RORA: variants seen among roughly 807,000 people sequenced by gnomAD.
RORA encodes nuclear receptor ROR-alpha.
Under a neutral mutation model 69.5 loss-of-function variants are expected in RORA, and 7 were observed. The observed-to-expected ratio is 0.10, with a 90% CI of 0.06 to 0.19. The LOEUF (loss-of-function observed/expected upper bound fraction) is 0.19, where lower values mean the gene tolerates loss of function less well. Ranked by LOEUF, RORA falls within the 10% of genes least tolerant of loss-of-function variation. The pLI, the probability that RORA is intolerant of heterozygous loss-of-function variation, is 1.00. For synonymous variants in RORA, 261 were observed against 240.8 expected (o/e 1.08, Z -0.78); for missense variants, 457 against 663.0 (o/e 0.69, Z 3.41).
At chr15:60,632,411 T>C (rs2069759412) in intron 2 of RORA, among the ~76,000 whole-genome samples, 1 of 152,176 alleles carries the variant, frequency 6.6e-6, no homozygotes, top group Non-Finnish European at 1.5e-5. Context: ...CCGGCCTCAC[T>C]ACCTATGTAT....
At chr15:61,206,390 A>C (rs1460223716) in intron 1 of RORA, among the ~76,000 whole-genome samples, 1 of 152,176 alleles carries the variant, frequency 6.6e-6, no homozygotes, top group African/African-American at 2.4e-5. Context: ...TACTTATAAA[A>C]CAATAGCTGA....
intron 2 of RORA, among the ~76,000 whole-genome samples, chr15:60,644,040 G>C (rs1026483837): frequency 6.6e-6 from 1 of 151,846 alleles, no homozygotes; most frequent in African/African-American, 2.4e-5. Flanking sequence ...GGAAGCCACT[G>C]GGATTAAAAA....
rs2070591175 is a variant in RORA, at chr15:60,678,665, G to A, written c.188C>T (p.Thr63Ile). 1.2e-6 allele frequency: 2 copies of A among 1,611,876 alleles called. No individual in the cohort carries two copies. The highest frequency in any genetic ancestry group is 1.1e-5 in the South Asian group (1 of 91,028). Residue 63 changes from threonine to isoleucine, a missense_variant, in exon 2 of 11, where the codon ACA (threonine) becomes ATA (isoleucine). Physicochemically the swap from Thr to Ile is moderately conservative, Grantham distance 89. This residue lies in a region of RORA where 119 missense variants were observed against 92.4 expected (regional missense o/e 1.29). Transcript: ENST00000335670. ...AAAAATGCATTACTTACATGTATGTGTCTTCTTCGTTACTGAGATACCTGG... is the reference window on the plus strand; with the variant it reads ...AAAAATGCATTACTTACATGTATGTATCTTCTTCGTTACTGAGATACCTGG... ...TSRGISVTKKTHTSQIEIIPC... is the reference protein window; with the variant it reads ...TSRGISVTKKIHTSQIEIIPC...
intron 3 of RORA, 114 bp from the exon 4 acceptor site, chr15:60,514,871 G>A: frequency 1.3e-6 from 1 of 744,544 alleles, no homozygotes. Flanking sequence ...AATTAAACTT[G>A]TAGCAGAATC....
intron 1 of RORA, among the ~76,000 whole-genome samples, chr15:61,119,730 A>C (rs1247004634): frequency 6.6e-6 from 1 of 152,168 alleles, no homozygotes; most frequent in African/African-American, 2.4e-5. Flanking sequence ...CTTGTGGATG[A>C]GGCAAATGGC....
At chr15:60,594,771 T>C (rs1001330673) in intron 2 of RORA, among the ~76,000 whole-genome samples, 1 of 152,260 alleles carries the variant, frequency 6.6e-6, no homozygotes, top group Non-Finnish European at 1.5e-5. Flanking sequence ...TCTCAAGTAC[T>C]TATCTGAAAT....
intron 1 of RORA, among the ~76,000 whole-genome samples, chr15:60,704,086 A>G (rs1596140398): frequency 6.6e-6 from 1 of 152,244 alleles, no homozygotes; most frequent in Non-Finnish European, 1.5e-5. Flanking sequence ...CATCAATTCT[A>G]ATACAACGTG....
intron 2 of RORA, among the ~76,000 whole-genome samples, chr15:60,581,559 T>A (rs1315757782): frequency 6.6e-6 from 1 of 152,208 alleles, no homozygotes; most frequent in African/African-American, 2.4e-5. Flanking sequence ...ATAGGCGGTA[T>A]GCAAATCTTT....
chr15:60,511,310 C>T lies in RORA; in HGVS notation c.736G>A (p.Asp246Asn), dbSNP rs1289766353. The T allele has an allele frequency of 6.2e-7, 1 of 1,614,094 alleles. No individual in the cohort carries two copies. Among genetic ancestry groups the T allele is most frequent in the Admixed American group, 1.7e-5 (1 of 60,018 alleles). ...AAGAAGCCTGATGCTGGTGTGTAGT[C>T]ACATATTGGTTCTGGTTTGATTCCA... is the stretch of plus-strand genomic sequence containing the variant. ...INGIKPEPIC[D>N]YTPASGFFPY... Residue 246 changes from aspartate (D) to asparagine (N), a missense_variant, in exon 5 of 11, where the codon GAC (aspartate) becomes AAC (asparagine). Around this residue, in one of 3 missense-constraint regions of RORA, gnomAD observed 304 missense variants for 447.4 expected, o/e 0.68. Coordinates refer to ENST00000335670, the MANE Select transcript of RORA (RefSeq NM_134261.3). The surrounding 1 kb of genome is among the most constrained non-coding windows in gnomAD (Gnocchi z 6.4).
At chr15:61,010,091 TTACCACA>T (rs1895041213) in intron 1 of RORA, among the ~76,000 whole-genome samples, 1 of 152,242 alleles carries the variant, frequency 6.6e-6, no homozygotes, top group Non-Finnish European at 1.5e-5. Context: ...AGGAACAAGC[TTACCACA>T]TATGCTTTGG....
chr15:60,772,961 G>C (rs918448003), intron 1 of RORA, among the ~76,000 whole-genome samples: 2 of 152,220 alleles, frequency 1.3e-5, no homozygotes, highest in African/African-American at 4.8e-5. Context: ...AATCCCGCCA[G>C]GGAGTTTTCC....
intron 1 of RORA, among the ~76,000 whole-genome samples, chr15:61,118,898 T>C (rs1247232103): frequency 6.6e-6 from 1 of 152,090 alleles, no homozygotes; most frequent in Non-Finnish European, 1.5e-5. Context: ...GTTCCTCTTG[T>C]CATGTGAAAC....
intron 1 of RORA, among the ~76,000 whole-genome samples, chr15:60,865,930 G>A (rs2073482340): frequency 6.6e-6 from 1 of 152,012 alleles, no homozygotes; most frequent in Non-Finnish European, 1.5e-5. Flanking sequence ...AAATTTTTTG[G>A]CCTAGACAAC....
chr15:60,836,753 C>T (rs2073121478), intron 1 of RORA, among the ~76,000 whole-genome samples: 1 of 152,178 alleles, frequency 6.6e-6, no homozygotes, highest in East Asian at 1.9e-4. Context: ...TACCATCAGC[C>T]CTCTTCATCA....
chr15:61,225,170 T>C (rs1427612633), intron 1 of RORA, among the ~76,000 whole-genome samples: 1 of 152,236 alleles, frequency 6.6e-6, no homozygotes, highest in African/African-American at 2.4e-5. Flanking sequence ...GGTATTATTA[T>C]AAATGTTTTT....
chr15:60,721,082 A>G (rs1437277576), intron 1 of RORA, among the ~76,000 whole-genome samples: 2 of 152,190 alleles, frequency 1.3e-5, no homozygotes, highest in Non-Finnish European at 2.9e-5. Context: ...CTCAAGTGCA[A>G]TCAATACAAC....
At chr15:60,525,874 G>C (rs547916635) in intron 3 of RORA, among the ~76,000 whole-genome samples, 2 of 152,204 alleles carry the variant, frequency 1.3e-5, no homozygotes, top group African/African-American at 4.8e-5. Flanking sequence ...ATGGGGGTGA[G>C]AAGGAAGAAA....
intron 1 of RORA, among the ~76,000 whole-genome samples, chr15:60,907,162 C>T (rs1891568711): frequency 6.6e-6 from 1 of 152,194 alleles, no homozygotes. Context: ...TCAACATCAT[C>T]TGCCTTTCAT....
At chr15:60,862,039 T>C (rs1197247204) in intron 1 of RORA, among the ~76,000 whole-genome samples, 4 of 152,262 alleles carry the variant, frequency 2.6e-5, no homozygotes, top group Non-Finnish European at 4.4e-5. Context: ...GATTTTATCA[T>C]GGCTCCTGCC....
Sources: gnomAD v4.1 joint callset for allele counts (sites outside exome capture counted in the v4.1 genomes callset) on GRCh38, gnomAD v4.1.1 for gene constraint, gnomAD v4.1.1 regional missense constraint, Gnocchi (gnomAD v3.1) non-coding constraint, MANE v1.5 for transcripts, NCBI Gene and HGNC (gene_info 2026-07-23, HGNC 2026-07-21) for gene names.